Variants in ALG1 observed in about 807,000 individuals in gnomAD.
ALG1 encodes chitobiosyldiphosphodolichol beta-mannosyltransferase.
ALG1 carries 58 observed loss-of-function variants against 55.1 expected under a neutral mutation model. The observed-to-expected ratio is 1.05, with a 90% confidence interval of 0.85 to 1.31. ALG1 has a LOEUF of 1.31. Ranked by LOEUF, ALG1 falls within the 50% of genes most tolerant of loss-of-function variation. The pLI, the probability that ALG1 is intolerant of heterozygous loss-of-function variation, is 0.00. For missense variants in ALG1, 761 were observed against 598.6 expected, an observed-to-expected ratio of 1.27 and a Z score of -2.83; for synonymous variants, 309 against 247.0, an observed-to-expected ratio of 1.25 and a Z score of -2.35.
chr16:5,074,888 G>C (rs1162470074), intron 3 of ALG1, among the ~76,000 whole-genome samples: 1 of 152,088 alleles, frequency 6.6e-6, no homozygotes, highest in Non-Finnish European at 1.5e-5. Context: ...GGTTGGTTCT[G>C]TTTGTTTGTT....
chr16:5,078,905 G>A, intron 7 of ALG1, 27 bp downstream of exon 7: 12 of 1,610,114 alleles, frequency 7.5e-6, no homozygotes, highest in Non-Finnish European at 1.0e-5. Flanking sequence ...GGGCACTTGG[G>A]GTTGGTGTGA....
intron 6 of ALG1, chr16:5,078,376 G>C: frequency 1.7e-6 from 1 of 590,402 alleles, no homozygotes; most frequent in Non-Finnish European, 3.2e-6. Flanking sequence ...GTGGACCTGT[G>C]TGTCCCCTGG....
chr16:5,079,637 T>C, intron 8 of ALG1, 111 bp from the exon 9 acceptor site: 1 of 1,246,554 alleles, frequency 8.0e-7, no homozygotes, highest in Non-Finnish European at 1.2e-6. Flanking sequence ...TGCAGTGAGC[T>C]GAGATCGCGC....
In ALG1 at chr16:5,077,946, A is replaced by G; in HGVS notation, c.669A>G (p.Lys223=). 1 of 1,606,938 alleles carries G rather than the reference A, an allele frequency of 6.2e-7. No homozygotes were observed. The highest frequency in any genetic ancestry group is 8.5e-7 in the Non-Finnish European group (1 of 1,179,824). Reference sequence around the variant, plus strand: ...ACGACAAGCCCGCATCTTTCTTTAAAGAGACACCTCTGGACCTGCAGCACC... The same window carrying G: ...ACGACAAGCCCGCATCTTTCTTTAAGGAGACACCTCTGGACCTGCAGCACC... ...TVYDKPASFF[K]ETPLDLQHRL... is the part of the protein sequence containing the mutation. The change falls in exon 6 of 13, where the codon AAA becomes AAG. Residue 223 remains lysine (K), a synonymous_variant. Transcript: ENST00000262374.
At chr16:5,072,405 C>T (rs1236478746) in intron 1 of ALG1, 1 of 557,622 alleles carries the variant, frequency 1.8e-6, no homozygotes, top group Non-Finnish European at 3.0e-6. Flanking sequence ...CAGGATATTT[C>T]ATTCCTCATC....
At chr16:5,077,604 C>T (rs1175957171) in intron 5 of ALG1, 70 bp downstream of exon 5, 1 of 1,472,722 alleles carries the variant, frequency 6.8e-7, no homozygotes, top group Non-Finnish European at 9.5e-7. Flanking sequence ...GTGAGAGCTG[C>T]CTTGCCTGCT....
chr16:5,075,683 G>C, intron 4 of ALG1, 147 bp downstream of exon 4: 3 of 1,016,120 alleles, frequency 3.0e-6, no homozygotes, highest in South Asian at 2.7e-5. Flanking sequence ...CCGAATGCTG[G>C]TTCCAAATGA....
chr16:5,073,463 C>A (rs112467044), intron 3 of ALG1: 4 of 612,868 alleles, frequency 6.5e-6, no homozygotes, highest in Admixed American at 2.8e-5. Flanking sequence ...ATTGTACTGA[C>A]TGTGTATCAA....
In ALG1 at chr16:5,071,924, C is replaced by G. The variant is rs369610043; in HGVS notation, c.75C>G (p.Arg25=). The G allele has an allele frequency of 3.8e-6, 6 of 1,593,908 alleles. No individual in the cohort carries two copies. The African/African-American group carries it at 4.0e-5, about 11-fold the overall frequency. Residue 25 remains arginine (R), a synonymous_variant, in exon 1 of 13, where the codon CGC becomes CGG. Transcript: ENST00000262374. ...LPLLLLGGWK[R]WRRGRAARHV... ...TGCTGCTGCTGGGAGGATGGAAGCGCTGGCGCCGGGGGCGGGCGGCCCGGC... is the reference window on the plus strand; with the variant it reads ...TGCTGCTGCTGGGAGGATGGAAGCGGTGGCGCCGGGGGCGGGCGGCCCGGC...
chr16:5,072,708 A>C (rs1486835216), intron 1 of ALG1, among the ~76,000 whole-genome samples: 3 of 152,112 alleles, frequency 2.0e-5, no homozygotes, highest in Non-Finnish European at 4.4e-5. Flanking sequence ...TTGAGCACCT[A>C]CTGTTTGCCA....
chr16:5,082,915 A>C (rs1325241795), intron 11 of ALG1, among the ~76,000 whole-genome samples: 1 of 152,190 alleles, frequency 6.6e-6, no homozygotes, highest in East Asian at 1.9e-4. Context: ...GGTTTTTGCC[A>C]TTAAAAATGG....
chr16:5,075,318 A>C lies in ALG1; in HGVS notation c.391-70A>C, dbSNP rs1596254100. The C allele has an allele frequency of 2.6e-6, 4 of 1,521,290 alleles. No individual in the cohort carries two copies. The East Asian group carries it at 6.8e-5, about 26-fold the overall frequency. 94.2% of individuals were successfully genotyped at this position (1,521,290 alleles called of 1,614,324 possible). A position where few individuals can be genotyped will look rare whatever the true frequency, so the allele number is the denominator to read the frequency against. On this transcript the variant is annotated intron_variant, in intron 3 of 12. Transcript: ENST00000262374. ...CAGACTCATCACCATGTGTGTTGTG[A>C]CTATTTTTACTGGGTTTATTGCCTA...
rs575342814 is a variant in ALG1 at position 5,078,697 on chromosome 16, C to T, written c.741-60C>T. 4.3e-6 allele frequency: 7 copies of T among 1,611,708 alleles called. No individual in the cohort carries two copies. The African/African-American group carries it at 6.7e-5, about 15-fold the overall frequency. Reference sequence around the variant, plus strand: ...CAGGCCTCGCCACGGCAGGAGATGCCTCTCCTGGGTCCCGGGCCTGCTCTA... The same window carrying T: ...CAGGCCTCGCCACGGCAGGAGATGCTTCTCCTGGGTCCCGGGCCTGCTCTA... On this transcript the variant is annotated intron_variant, in intron 6 of 12. Transcript: ENST00000262374.
In ALG1 at chr16:5,071,899, T is replaced by C; in HGVS notation, c.50T>C (p.Leu17Pro). 6.3e-7 allele frequency: 1 copy of C among 1,598,116 alleles called. No individual in the cohort carries two copies. Among genetic ancestry groups the C allele is most frequent in the Non-Finnish European group, 8.5e-7 (1 of 1,173,850 alleles). The change falls in exon 1 of 13, where the codon CTG becomes CCG. Residue 17 changes from leucine to proline, a missense_variant. Coordinates refer to ENST00000262374, the MANE Select transcript of ALG1 (RefSeq NM_019109.5). ...CTGGCGCTGTGTCTGCTGCTGCCGC[T>C]GCTGCTGCTGGGAGGATGGAAGCGC... is the stretch of plus-strand genomic sequence containing the variant. ...VLLALCLLLPLLLLGGWKRWR... is the reference protein window; with the variant it reads ...VLLALCLLLPPLLLGGWKRWR...
chr16:5,073,008 C>G lies in ALG1; in HGVS notation c.266C>G (p.Thr89Arg). 1.2e-6 allele frequency: 2 copies of G among 1,614,194 alleles called. No individual in the cohort carries two copies. Among genetic ancestry groups the G allele is most frequent in the Non-Finnish European group, 1.7e-6 (2 of 1,180,044 alleles). Residue 89 changes from threonine (T) to arginine (R), a missense_variant, in exon 2 of 13, where the codon ACA becomes AGA. Coordinates refer to ENST00000262374, the MANE Select transcript of ALG1 (RefSeq NM_019109.5). Reference protein sequence around the residue: ...QNNRIQIVGLTELQSLAVGPR... With the variant: ...QNNRIQIVGLRELQSLAVGPR... ...AACAGAATTCAGATTGTGGGGTTGA[C>G]AGAACTTCAGAGTCTTGCAGGTAGG...
chr16:5,072,985 C>G lies in ALG1; in HGVS notation c.243C>G (p.Asn81Lys). The change falls in exon 2 of 13, where the codon AAC (asparagine) becomes AAG (lysine). Residue 81 changes from asparagine to lysine, a missense_variant. By Grantham distance (94) the Asn-to-Lys change is moderately conservative (BLOSUM62 0). Coordinates refer to ENST00000262374, the MANE Select transcript of ALG1 (RefSeq NM_019109.5). Reference sequence around the variant, plus strand: ...CCCATGATGAGCTCTTGCAGAACAACAGAATTCAGATTGTGGGGTTGACAG... The same window carrying G: ...CCCATGATGAGCTCTTGCAGAACAAGAGAATTCAGATTGTGGGGTTGACAG... ...SKPHDELLQN[N>K]RIQIVGLTEL... The G allele has an allele frequency of 2.5e-6, 4 of 1,614,192 alleles. No homozygotes were observed. Among genetic ancestry groups the G allele is most frequent in the Non-Finnish European group, 2.5e-6 (3 of 1,180,036 alleles).
intron 9 of ALG1, among the ~76,000 whole-genome samples, chr16:5,080,263 C>T (rs1956994352): frequency 6.6e-6 from 1 of 152,048 alleles, no homozygotes; most frequent in African/African-American, 2.4e-5. Context: ...CAGGGTTTCA[C>T]CATGTTGGCC....
rs781435590 is a variant in ALG1 at position 5,082,558 on chromosome 16, G to A, written c.1073-1G>A. 1 of 1,611,994 alleles carries A rather than the reference G, an allele frequency of 6.2e-7. No individual in the cohort carries two copies. The highest frequency in any genetic ancestry group is 1.7e-5 in the Admixed American group (1 of 60,010). On this transcript the variant is annotated splice_acceptor_variant, in intron 10 of 12. Transcript: ENST00000262374. LOFTEE classifies it high-confidence loss of function. ...TCTGACCCACCCCTCTTGCCTAGCA[G>A]GGTCGGCGGACCTGGGTGTCTGTCT...
chr16:5,077,008 T>C (rs1260149410), intron 4 of ALG1, among the ~76,000 whole-genome samples: 1 of 152,034 alleles, frequency 6.6e-6, no homozygotes, highest in African/African-American at 2.4e-5. Flanking sequence ...TTGGCCAGGC[T>C]GGTCTCGAAC....
Sources: gnomAD v4.1 joint callset for allele counts (sites outside exome capture counted in the v4.1 genomes callset) on GRCh38, gnomAD v4.1.1 for gene constraint, MANE v1.5 for transcripts, NCBI Gene and HGNC (gene_info 2026-07-23, HGNC 2026-07-21) for gene names.